Variants in ZNF804B observed in about 807,000 individuals in gnomAD.
The protein encoded by ZNF804B is zinc finger protein 804B.
Under a neutral mutation model 101.4 loss-of-function variants are expected in ZNF804B, and 80 were observed. That is an observed-to-expected ratio of 0.79 (90% confidence interval 0.66 to 0.95). ZNF804B has a LOEUF of 0.95. Ranked by LOEUF, ZNF804B falls within the 40% of genes least tolerant of loss-of-function variation. The probability of loss-of-function intolerance (pLI) is 0.00; values close to 1 mark genes in which losing one functional copy is unlikely to be tolerated. For missense variants in ZNF804B, 1,673 were observed against 1,561.9 expected, an observed-to-expected ratio of 1.07 and a Z score of -1.20; for synonymous variants, 622 against 558.8, an observed-to-expected ratio of 1.11 and a Z score of -1.59.
chr7:89,290,469 C>T (rs1790272043), intron 2 of ZNF804B, among the ~76,000 whole-genome samples: 1 of 152,074 alleles, frequency 6.6e-6, no homozygotes, highest in Admixed American at 6.5e-5. Context: ...CTTCCTGGAG[C>T]CAGAGAGCAG....
At chr7:89,129,918 C>G (rs148435719) in intron 1 of ZNF804B, among the ~76,000 whole-genome samples, 432 of 152,020 alleles carry the variant, frequency 2.8e-3, no homozygotes, top group Non-Finnish European at 4.7e-3. Flanking sequence ...TAAGAAGATT[C>G]TTAAGGCTAA....
chr7:88,816,769 T>C (rs562826555), intron 1 of ZNF804B, among the ~76,000 whole-genome samples: 1 of 139,214 alleles, frequency 7.2e-6, no homozygotes, highest in South Asian at 2.4e-4. Flanking sequence ...ATAGGAACAC[T>C]TTTATGCTGT....
At chr7:88,872,266 T>C (rs1258876736) in intron 1 of ZNF804B, among the ~76,000 whole-genome samples, 1 of 152,088 alleles carries the variant, frequency 6.6e-6, no homozygotes, top group East Asian at 1.9e-4. Context: ...AAAATTGAAC[T>C]GGTGCTTTAA....
At chr7:88,853,213 C>T (rs903962237) in intron 1 of ZNF804B, among the ~76,000 whole-genome samples, 1 of 152,148 alleles carries the variant, frequency 6.6e-6, no homozygotes, top group Non-Finnish European at 1.5e-5. Context: ...GTCAGTCTTT[C>T]ATCAGTCAGA....
chr7:88,794,770 G>A (rs1486660126), intron 1 of ZNF804B: 2 of 1,613,382 alleles, frequency 1.2e-6, no homozygotes, highest in African/African-American at 2.7e-5. Flanking sequence ...TTCTACATTT[G>A]CTTGTATCTT....
intron 1 of ZNF804B, among the ~76,000 whole-genome samples, chr7:88,966,761 TAC>T (rs911193159): frequency 6.6e-6 from 1 of 150,594 alleles, no homozygotes. Context: ...CACACATACA[TAC>T]ACACACACAC....
intron 1 of ZNF804B, among the ~76,000 whole-genome samples, chr7:89,196,747 G>A (rs1020949223): frequency 6.6e-6 from 1 of 151,876 alleles, no homozygotes; most frequent in Non-Finnish European, 1.5e-5. Flanking sequence ...GTAATATCCA[G>A]CATCTACAAG....
At chr7:88,888,360 C>G (rs1792164870) in intron 1 of ZNF804B, among the ~76,000 whole-genome samples, 2 of 152,042 alleles carry the variant, frequency 1.3e-5, no homozygotes, top group South Asian at 2.1e-4. Flanking sequence ...GCACCGCACT[C>G]CAGCCTGGGC....
chr7:89,325,824 C>T (rs1790887802), intron 2 of ZNF804B, among the ~76,000 whole-genome samples: 2 of 151,668 alleles, frequency 1.3e-5, no homozygotes. Flanking sequence ...TCCAAAATAG[C>T]AATTTTCTCT....
At chr7:89,295,245 T>C (rs1414755618) in intron 2 of ZNF804B, among the ~76,000 whole-genome samples, 1 of 152,164 alleles carries the variant, frequency 6.6e-6, no homozygotes, top group African/African-American at 2.4e-5. Context: ...CTGGTCTCAG[T>C]GCGTGCACCC....
At chr7:89,169,317 G>C (rs984917157) in intron 1 of ZNF804B, among the ~76,000 whole-genome samples, 1 of 152,146 alleles carries the variant, frequency 6.6e-6, no homozygotes, top group African/African-American at 2.4e-5. Flanking sequence ...GTTGCCACTC[G>C]CGGCTCGAAT....
intron 2 of ZNF804B, among the ~76,000 whole-genome samples, chr7:89,226,734 AT>A (rs1373633532): frequency 6.6e-6 from 1 of 152,120 alleles, no homozygotes; most frequent in African/African-American, 2.4e-5. Flanking sequence ...AATTTACATT[AT>A]TGTGACTTGT....
chr7:89,170,764 G>A (rs575946475), intron 1 of ZNF804B, among the ~76,000 whole-genome samples: 12 of 152,276 alleles, frequency 7.9e-5, no homozygotes, highest in African/African-American at 2.9e-4. Flanking sequence ...AGAACACTCA[G>A]CTCTGCTTCA....
intron 1 of ZNF804B, among the ~76,000 whole-genome samples, chr7:88,926,937 G>GGCGGC (rs1213518761): frequency 0.037 from 4,159 of 112,692 alleles, 252 homozygotes; most frequent in African/African-American, 0.17. Context: ...GCCGGGTGGT[G>GGCGGC]GGGAGCGGGG....
At chr7:88,805,994 T>G (rs944034306) in intron 1 of ZNF804B, among the ~76,000 whole-genome samples, 3 of 152,068 alleles carry the variant, frequency 2.0e-5, no homozygotes, top group Non-Finnish European at 4.4e-5. Flanking sequence ...TCAGGAAGTT[T>G]TAAGTGCCAC....
rs746396107 is a variant in ZNF804B at position 89,335,996 on chromosome 7, A to G, written c.3014A>G (p.Lys1005Arg). The G allele has an allele frequency of 6.2e-6, 10 of 1,614,072 alleles. No individual in the cohort carries two copies. In the South Asian group the frequency reaches 1.1e-4, roughly 18 times the overall value. Residue 1005 changes from lysine (K) to arginine (R), a missense_variant, in exon 4 of 4, where the codon AAA becomes AGA. Physicochemically the swap from Lys to Arg is conservative, Grantham distance 26. Coordinates refer to ENST00000333190, the MANE Select transcript of ZNF804B (RefSeq NM_181646.5). ...SAIPRTTEKD[K>R]SKSSHTNNFT... is the part of the protein sequence containing the mutation. Reference sequence around the variant, plus strand: ...ATTCCAAGGACTACGGAGAAAGACAAAAGCAAAAGTTCACACACAAATAAT... The same window carrying G: ...ATTCCAAGGACTACGGAGAAAGACAGAAGCAAAAGTTCACACACAAATAAT...
intron 2 of ZNF804B, among the ~76,000 whole-genome samples, chr7:89,246,678 T>C (rs1789452376): frequency 6.6e-6 from 1 of 152,108 alleles, no homozygotes; most frequent in African/African-American, 2.4e-5. Flanking sequence ...AGTAGGGTCC[T>C]CTCTGCTGCC....
chr7:88,858,432 C>T (rs756614639), intron 1 of ZNF804B, among the ~76,000 whole-genome samples: 4 of 152,034 alleles, frequency 2.6e-5, no homozygotes, highest in Non-Finnish European at 5.9e-5. Flanking sequence ...GGTGATGATT[C>T]TTTGTTTAAA....
chr7:89,263,385 T>C (rs1584090596), intron 2 of ZNF804B, among the ~76,000 whole-genome samples: 1 of 152,164 alleles, frequency 6.6e-6, no homozygotes, highest in East Asian at 1.9e-4. Flanking sequence ...TTTCTCAGGA[T>C]TCTCTAGACT....
Sources: allele counts gnomAD v4.1 joint callset (sites outside exome capture counted in the v4.1 genomes callset), GRCh38; gene constraint gnomAD v4.1.1; transcripts MANE v1.5; gene names NCBI Gene and HGNC (gene_info 2026-07-23, HGNC 2026-07-21).